The following ULK2 variants were observed in gnomAD, a reference collection of about 807,000 sequenced individuals.
ULK2 encodes unc-51 like autophagy activating kinase 2.
Under a neutral mutation model 127.5 loss-of-function variants are expected in ULK2, and 76 were observed. The observed-to-expected ratio is 0.60, with a 90% CI of 0.50 to 0.72. The LOEUF is 0.72. Among genes scored for constraint, ULK2 ranks in the 30% least tolerant of loss-of-function variants. The probability of loss-of-function intolerance (pLI) is 0.00; values close to 1 mark genes in which losing one functional copy is unlikely to be tolerated. For synonymous variants in ULK2, 452 were observed against 461.9 expected, an observed-to-expected ratio of 0.98 and a Z score of 0.28; for missense variants, 1,144 against 1,295.9, an observed-to-expected ratio of 0.88 and a Z score of 1.80.
At chr17:19,847,769 G>A (rs1230640392) in intron 5 of ULK2, among the ~76,000 whole-genome samples, 1 of 152,178 alleles carries the variant, frequency 6.6e-6, no homozygotes, top group African/African-American at 2.4e-5. Context: ...GGCTGGTCTT[G>A]AACTCCTGAC....
At chr17:19,790,238 G>T (rs1024919504) in intron 20 of ULK2, among the ~76,000 whole-genome samples, 1 of 152,090 alleles carries the variant, frequency 6.6e-6, no homozygotes, top group African/African-American at 2.4e-5. Context: ...CCAACATGGT[G>T]AAACACTGTC....
chr17:19,797,624 C>G lies in ULK2; in HGVS notation c.1581G>C (p.Gln527His). Residue 527 changes from glutamine to histidine, a missense_variant, in exon 18 of 27, where the codon CAG becomes CAC. By Grantham distance (24) the Gln-to-His change is conservative. Coordinates refer to ENST00000395544, the MANE Select transcript of ULK2 (RefSeq NM_014683.4). ...PQSLLSGARL[Q>H]SAPTLTDIYQ... ...AGATGTCAGTGAGGGTGGGGGCGCT[C>G]TGCAGTCTAGCACCCGATAAGAGAG... is the stretch of plus-strand genomic sequence containing the variant. 6.2e-7 allele frequency: 1 copy of G among 1,612,014 alleles called. No homozygotes were observed. The highest frequency in any genetic ancestry group is 8.5e-7 in the Non-Finnish European group (1 of 1,179,108).
At chr17:19,865,342 G>A (rs761815279) in intron 2 of ULK2, among the ~76,000 whole-genome samples, 1 of 152,160 alleles carries the variant, frequency 6.6e-6, no homozygotes, top group Non-Finnish European at 1.5e-5. Flanking sequence ...CACCTCCAAG[G>A]AATATAACTT....
intron 21 of ULK2, among the ~76,000 whole-genome samples, chr17:19,785,273 G>A (rs1191277260): frequency 2.6e-5 from 4 of 152,140 alleles, no homozygotes; most frequent in African/African-American, 9.6e-5. Context: ...GTGCAATGGC[G>A]CAATCTCGGC....
At position 19,781,073 on chromosome 17, in the gene ULK2, C is replaced by T. The variant is rs2086908497; in HGVS notation, c.2671G>A (p.Ala891Thr). The T allele has an allele frequency of 6.2e-7, 1 of 1,613,732 alleles. No individual in the cohort carries two copies. Among genetic ancestry groups the T allele is most frequent in the Non-Finnish European group, 8.5e-7 (1 of 1,179,872 alleles). The change falls in exon 24 of 27, where the codon GCA (alanine) becomes ACA (threonine). Residue 891 changes from alanine (A) to threonine (T), a missense_variant. This residue lies in a region of ULK2 where 913 missense variants were observed against 970.5 expected (regional missense o/e 0.94). Transcript: ENST00000395544. ...RVEQLVLYMK[A>T]AQLLAASLHL... is the part of the protein sequence containing the mutation. ...AGAGAAGCCGCAAGCAGCTGTGCTGCTTTCATGTACAACACCAGCTGCTCC... is the reference window on the plus strand; with the variant it reads ...AGAGAAGCCGCAAGCAGCTGTGCTGTTTTCATGTACAACACCAGCTGCTCC...
intron 7 of ULK2, among the ~76,000 whole-genome samples, chr17:19,843,803 C>T (rs190167134): frequency 3.7e-4 from 56 of 151,900 alleles, no homozygotes; most frequent in Admixed American, 1.1e-3. Flanking sequence ...GGATTACACG[C>T]GCCTGCAACC....
chr17:19,844,878 G>C (rs967299907), intron 7 of ULK2, among the ~76,000 whole-genome samples: 1 of 152,080 alleles, frequency 6.6e-6, no homozygotes, highest in African/African-American at 2.4e-5. Flanking sequence ...AGCTGTGTGA[G>C]GCTAATGGAA....
Position 19,796,292 on chromosome 17 carries a change from C to CATAT in ULK2, c.1810-14_1810-11dup, listed in dbSNP as rs10587010. 6.7e-6 allele frequency: 8 copies of CATAT among 1,202,632 alleles called. No homozygotes were observed. In the South Asian group the frequency reaches 7.6e-5, roughly 11 times the overall value. 74.5% of individuals were successfully genotyped at this position (1,202,632 alleles called of 1,614,324 possible). A position where few individuals can be genotyped will look rare whatever the true frequency, so the allele number is the denominator to read the frequency against. ...TGAAAGGAGCTGTGGTCTAAAGAGA[C>CATAT]ATATATATATATATATATGTAAACT... On this transcript the variant is annotated splice_polypyrimidine_tract_variant and intron_variant, in intron 18 of 26. Transcript: ENST00000395544.
intron 15 of ULK2, 54 bp downstream of exon 15, chr17:19,804,639 T>A (rs1179938906): frequency 2.0e-6 from 3 of 1,518,204 alleles, no homozygotes; most frequent in Non-Finnish European, 2.7e-6. Flanking sequence ...TATCAATAAA[T>A]TTTTTTTAAA....
rs1597737322 is a variant in ULK2, at chr17:19,804,830, C to T, written c.1158G>A (p.Gly386=). ...GAGGTGACACAGTAGGCTGACACTGCCTGCAATCGTAATTTATTGAAAAAG... is the reference window on the plus strand; with the variant it reads ...GAGGTGACACAGTAGGCTGACACTGTCTGCAATCGTAATTTATTGAAAAAG... The part of the protein sequence containing the change: ...RASNEFLVCG[G]QCQPTVSPHS... Residue 386 remains glycine (G), a splice_region_variant and synonymous_variant, in exon 15 of 27, where the codon GGG becomes GGA. Transcript: ENST00000395544. 6.2e-7 allele frequency: 1 copy of T among 1,609,676 alleles called. No homozygotes were observed. Among genetic ancestry groups the T allele is most frequent in the East Asian group, 2.2e-5 (1 of 44,810 alleles).
chr17:19,787,222 T>G (rs2087053094), intron 20 of ULK2, among the ~76,000 whole-genome samples: 1 of 152,144 alleles, frequency 6.6e-6, no homozygotes, highest in African/African-American at 2.4e-5. Context: ...CTCTTGACCT[T>G]GTGATCCGCC....
rs11456096 is a variant in ULK2, at chr17:19,799,579, C to CAA, written c.1442-6_1442-5dup. ...AATTGCTCAGGAATGGTACCAACTACAAAAAAAAAAAAAAAAAAGATGGGG... is the reference window on the plus strand; with the variant it reads ...AATTGCTCAGGAATGGTACCAACTACAAAAAAAAAAAAAAAAAAAAGATGGGG... On this transcript the variant is annotated splice_region_variant and splice_polypyrimidine_tract_variant and intron_variant, in intron 16 of 26. Transcript: ENST00000395544. The CAA allele has an allele frequency of 0.055, 64,827 of 1,180,612 alleles. 108 individuals carry two copies. Among genetic ancestry groups the CAA allele is most frequent in the Non-Finnish European group, 0.058 (53,273 of 926,308 alleles). 73.1% of individuals were successfully genotyped at this position (1,180,612 alleles called of 1,614,324 possible). A position where few individuals can be genotyped will look rare whatever the true frequency, so the allele number is the denominator to read the frequency against.
chr17:19,789,912 A>C (rs2087114860), intron 20 of ULK2, among the ~76,000 whole-genome samples: 1 of 133,704 alleles, frequency 7.5e-6, no homozygotes, highest in Non-Finnish European at 1.5e-5. Context: ...AAAGCTGCCA[A>C]AAAAAAAAAA....
rs538489418 is a variant in ULK2 at position 19,774,257 on chromosome 17, C to A, written c.*2092G>T. On this transcript the variant is annotated 3_prime_UTR_variant, in exon 27 of 27. Coordinates refer to ENST00000395544, the MANE Select transcript of ULK2 (RefSeq NM_014683.4). Reference sequence around the variant, plus strand: ...ACCAGAACCATTATTCATGAATTTACATTTTGTTCTTTTCTGCTGTTGAGA... The same window carrying A: ...ACCAGAACCATTATTCATGAATTTAAATTTTGTTCTTTTCTGCTGTTGAGA... 5 of 152,748 alleles carry A rather than the reference C, an allele frequency of 3.3e-5. No individual in the cohort carries two copies. The East Asian group carries it at 9.6e-4, about 29-fold the overall frequency. 9.5% of individuals were successfully genotyped at this position (152,748 alleles called of 1,614,324 possible). A position where few individuals can be genotyped will look rare whatever the true frequency, so the allele number is the denominator to read the frequency against.
intron 20 of ULK2, among the ~76,000 whole-genome samples, chr17:19,793,179 C>T (rs149234460): frequency 2.6e-4 from 40 of 152,150 alleles, no homozygotes; most frequent in East Asian, 1.7e-3. Flanking sequence ...CCAAGCAAAG[C>T]GGGGAAGAGC....
intron 14 of ULK2, among the ~76,000 whole-genome samples, chr17:19,808,374 A>G (rs937063696): frequency 9.2e-5 from 14 of 152,242 alleles, no homozygotes; most frequent in African/African-American, 3.4e-4. Flanking sequence ...AGAGTAGGCA[A>G]TGATTTCTTG....
chr17:19,787,122 G>A (rs752766506), intron 20 of ULK2, among the ~76,000 whole-genome samples: 2 of 151,872 alleles, frequency 1.3e-5, no homozygotes, highest in Non-Finnish European at 2.9e-5. Flanking sequence ...TCGAGTAGCT[G>A]GGATTACAGG....
At chr17:19,804,294 G>A (rs1415525669) in intron 15 of ULK2, among the ~76,000 whole-genome samples, 1 of 151,608 alleles carries the variant, frequency 6.6e-6, no homozygotes, top group African/African-American at 2.4e-5. Context: ...TTGTACCTTT[G>A]TTATTCCTTT....
chr17:19,790,332 G>A (rs991089400), intron 20 of ULK2, among the ~76,000 whole-genome samples: 12 of 152,272 alleles, frequency 7.9e-5, no homozygotes, highest in African/African-American at 2.4e-4. Context: ...CAGGATAATC[G>A]CTTGAACCCA....
Sources: gnomAD v4.1 joint callset for allele counts (sites outside exome capture counted in the v4.1 genomes callset) on GRCh38, gnomAD v4.1.1 for gene constraint, gnomAD v4.1.1 regional missense constraint, MANE v1.5 for transcripts, NCBI Gene and HGNC (gene_info 2026-07-23, HGNC 2026-07-21) for gene names.